Variants in YWHAG observed in about 807,000 individuals in gnomAD.
YWHAG encodes the protein tyrosine 3-monooxygenase/tryptophan 5-monooxygenase activation protein gamma.
In YWHAG, 1 loss-of-function variant was observed where a neutral mutation model predicts 23.3. The ratio of observed to expected loss-of-function variants is 0.04; its 90% CI spans 0.02 to 0.20. The LOEUF (loss-of-function observed/expected upper bound fraction) is 0.20, where lower values mean the gene tolerates loss of function less well. Ranked by LOEUF, YWHAG falls within the 10% of genes least tolerant of loss-of-function variation. YWHAG has a pLI of 1.00. For synonymous variants in YWHAG, 160 were observed against 144.0 expected (o/e 1.11, Z -0.80); for missense variants, 151 against 338.6 (o/e 0.45, Z 4.35).
rs1176383328 is a variant in YWHAG, at chr7:76,327,897, A to C, written c.*1680T>G. The stretch of plus-strand genomic sequence containing the variant: ...AGTCTGTGGTCATCGTGGTTCTTCT[A>C]TCTTCACTGTCACCTGTATCCTGTT... On this transcript the variant is annotated 3_prime_UTR_variant, in exon 2 of 2. Transcript: ENST00000307630. 6.6e-6 allele frequency: 1 copy of C among 152,204 alleles called. No homozygotes were observed. The highest frequency in any genetic ancestry group is 1.9e-4 in the East Asian group (1 of 5,182). The allele number at this position is 152,204 out of a possible 1,614,324, so 9.4% of individuals were successfully genotyped here.
intron 1 of YWHAG, among the ~76,000 whole-genome samples, chr7:76,343,900 T>C (rs777035481): frequency 1.3e-5 from 2 of 152,142 alleles, no homozygotes; most frequent in African/African-American, 4.8e-5. Context: ...TTGTTTGGGG[T>C]AGTTTGAGAC....
Position 76,329,509 on chromosome 7 carries a change from CAA to C in YWHAG, c.*66_*67del. The C allele has an allele frequency of 4.9e-6, 7 of 1,421,554 alleles. No homozygotes were observed. The highest frequency in any genetic ancestry group is 6.5e-6 in the Non-Finnish European group (7 of 1,069,496). 88.1% of individuals were successfully genotyped at this position (1,421,554 alleles called of 1,614,324 possible). Reference sequence around the variant, plus strand: ...CCCTTTCCCTCCCCCACCCGACCCCCAACTCATGGGAAAAAAATAAAGACTGC... The same window carrying C: ...CCCTTTCCCTCCCCCACCCGACCCCCCTCATGGGAAAAAAATAAAGACTGC... On this transcript the variant is annotated 3_prime_UTR_variant, in exon 2 of 2. Transcript: ENST00000307630. The surrounding 1 kb of genome is among the most constrained non-coding windows in gnomAD (Gnocchi z 6.1).
rs887819926 is a variant in YWHAG at position 76,352,618 on chromosome 7, G to GT, written c.87+6103dup. On this transcript the variant is annotated intron_variant, in intron 1 of 1. Transcript: ENST00000307630. ...ATGTTATGTTAAAAATCTAAATTATGTAAGAACACTCTCTTTCCTATTCAC... is the reference window on the plus strand; with the variant it reads ...ATGTTATGTTAAAAATCTAAATTATGTTAAGAACACTCTCTTTCCTATTCAC... 2.0e-4 allele frequency among the ~76,000 whole-genome samples: 31 copies of GT among 151,850 alleles called. 1 individual carries two copies. Among genetic ancestry groups the GT allele is most frequent in the South Asian group, 1.2e-3 (6 of 4,804 alleles).
chr7:76,357,902 A>AT lies in YWHAG; in HGVS notation c.87+819dup, dbSNP rs1803984478. 2.0e-5 allele frequency among the ~76,000 whole-genome samples: 3 copies of AT among 152,218 alleles called. No homozygotes were observed. In the South Asian group the frequency reaches 6.2e-4, roughly 32 times the overall value. On this transcript the variant is annotated intron_variant, in intron 1 of 1. Coordinates refer to ENST00000307630, the MANE Select transcript of YWHAG (RefSeq NM_012479.4). ...TGCCTGTATTCAAAAAAGAAACGGC[A>AT]TATGTCACACGAATCGAACCAGTCA...
intron 1 of YWHAG, among the ~76,000 whole-genome samples, chr7:76,347,601 C>CAA (rs60730480): frequency 7.3e-4 from 92 of 125,754 alleles, no homozygotes; most frequent in African/African-American, 1.7e-3. Flanking sequence ...AACAAACAAA[C>CAA]AAAAAAAACA....
intron 1 of YWHAG, among the ~76,000 whole-genome samples, chr7:76,332,963 G>C (rs995920126): frequency 2.0e-5 from 3 of 150,748 alleles, no homozygotes; most frequent in Non-Finnish European, 4.4e-5. Flanking sequence ...CTCAGTCTAT[G>C]GCTGATTTAT....
At chr7:76,337,163 T>C (rs1395790734) in intron 1 of YWHAG, among the ~76,000 whole-genome samples, 1 of 152,224 alleles carries the variant, frequency 6.6e-6, no homozygotes, top group Non-Finnish European at 1.5e-5. Context: ...GTCTGCTGTC[T>C]TTCGAAAGGC....
chr7:76,337,515 T>A (rs982983827), intron 1 of YWHAG, among the ~76,000 whole-genome samples: 6 of 151,756 alleles, frequency 4.0e-5, no homozygotes, highest in African/African-American at 1.2e-4. Flanking sequence ...TTTCATCTCC[T>A]GCGCCTCTTC....
chr7:76,329,514 C>CAG lies in YWHAG; in HGVS notation c.*62_*63insCT. 1 of 1,033,792 alleles carries CAG rather than the reference C, an allele frequency of 9.7e-7. No homozygotes were observed. Among genetic ancestry groups the CAG allele is most frequent in the East Asian group, 3.6e-5 (1 of 28,018 alleles). 64.0% of individuals were successfully genotyped at this position (1,033,792 alleles called of 1,614,324 possible). A position where few individuals can be genotyped will look rare whatever the true frequency, so the allele number is the denominator to read the frequency against. ...TCCCTCCCCCACCCGACCCCCAACT[C>CAG]ATGGGAAAAAAATAAAGACTGCAGT... On this transcript the variant is annotated 3_prime_UTR_variant, in exon 2 of 2. Coordinates refer to ENST00000307630, the MANE Select transcript of YWHAG (RefSeq NM_012479.4). The surrounding 1 kb of genome is among the most constrained non-coding windows in gnomAD (Gnocchi z 6.1).
intron 1 of YWHAG, among the ~76,000 whole-genome samples, chr7:76,333,768 C>T (rs1803578774): frequency 6.6e-6 from 1 of 152,252 alleles, no homozygotes; most frequent in African/African-American, 2.4e-5. Context: ...CGCGGTGCAG[C>T]CCTCATGACT....
chr7:76,352,929 G>C (rs1356623506), intron 1 of YWHAG, among the ~76,000 whole-genome samples: 2 of 152,154 alleles, frequency 1.3e-5, no homozygotes, highest in African/African-American at 2.4e-5. Context: ...GGGATTACAG[G>C]CGTGAGCCAC....
chr7:76,354,540 CAATAAAATAA>C (rs764798030), intron 1 of YWHAG, among the ~76,000 whole-genome samples: 24 of 152,110 alleles, frequency 1.6e-4, no homozygotes, highest in African/African-American at 5.5e-4. Context: ...AAATAAAATA[CAATAAAATAA>C]AATAAGGTTA....
At chr7:76,333,728 G>A (rs1054031891) in intron 1 of YWHAG, among the ~76,000 whole-genome samples, 3 of 152,250 alleles carry the variant, frequency 2.0e-5, no homozygotes, top group Non-Finnish European at 4.4e-5. Context: ...ATACTTTACT[G>A]AGTGTGCGAA....
At chr7:76,332,101 C>A (rs1803551219) in intron 1 of YWHAG, among the ~76,000 whole-genome samples, 2 of 152,140 alleles carry the variant, frequency 1.3e-5, no homozygotes, top group South Asian at 4.1e-4. Flanking sequence ...TGTTTTAATG[C>A]TGGACAACGT....
intron 1 of YWHAG, among the ~76,000 whole-genome samples, chr7:76,348,458 G>C (rs988972030): frequency 1.4e-5 from 2 of 139,982 alleles, no homozygotes; most frequent in Non-Finnish European, 3.0e-5. Context: ...GTCTCACTCT[G>C]TTGCCCAGGC....
At chr7:76,338,400 G>C (rs779616835) in intron 1 of YWHAG, among the ~76,000 whole-genome samples, 3 of 152,152 alleles carry the variant, frequency 2.0e-5, no homozygotes, top group Non-Finnish European at 4.4e-5. Flanking sequence ...CTGGGTGAGG[G>C]CCTGGGTTTG....
rs1563660690 is a variant in YWHAG, at chr7:76,327,688, C to CCCCCCCCCCCCT, written c.*1888_*1889insAGGGGGGGGGGG. 2 of 118,512 alleles carry CCCCCCCCCCCCT rather than the reference C, an allele frequency of 1.7e-5. No homozygotes were observed. Among genetic ancestry groups the CCCCCCCCCCCCT allele is most frequent in the Non-Finnish European group, 3.6e-5 (2 of 56,048 alleles). The allele number at this position is 118,512 out of a possible 1,614,324, so 7.3% of individuals were successfully genotyped here. A position where few individuals can be genotyped will look rare whatever the true frequency, so the allele number is the denominator to read the frequency against. ...ACCCTGCCCCCCCCCCCCTCCCCCC[C>CCCCCCCCCCCCT]CAAATCGTCTTCCTCCCATGGCAAT... On this transcript the variant is annotated 3_prime_UTR_variant, in exon 2 of 2. Coordinates refer to ENST00000307630, the MANE Select transcript of YWHAG (RefSeq NM_012479.4).
In YWHAG at chr7:76,328,347, C is replaced by G. The variant is rs966333021; in HGVS notation, c.*1230G>C. ...GAGTTCAGTGTTTGTTATCTGGTAA[C>G]AGTTTTTTTATCTTCCTACAATTAC... On this transcript the variant is annotated 3_prime_UTR_variant, in exon 2 of 2. Coordinates refer to ENST00000307630, the MANE Select transcript of YWHAG (RefSeq NM_012479.4). The G allele has an allele frequency of 2.6e-5, 4 of 152,182 alleles. No homozygotes were observed. Among genetic ancestry groups the G allele is most frequent in the African/African-American group, 9.7e-5 (4 of 41,450 alleles). 9.4% of individuals were successfully genotyped at this position (152,182 alleles called of 1,614,324 possible).
At chr7:76,334,666 T>C (rs939666625) in intron 1 of YWHAG, among the ~76,000 whole-genome samples, 2 of 151,988 alleles carry the variant, frequency 1.3e-5, no homozygotes, top group African/African-American at 2.4e-5. Flanking sequence ...TCCTCCAGCC[T>C]TGGCCTCCTA....
Sources: allele counts gnomAD v4.1 joint callset (sites outside exome capture counted in the v4.1 genomes callset), GRCh38; gene constraint gnomAD v4.1.1; non-coding constraint Gnocchi (gnomAD v3.1); transcripts MANE v1.5; gene names NCBI Gene and HGNC (gene_info 2026-07-23, HGNC 2026-07-21).